INIP: variants seen among roughly 807,000 people sequenced by gnomAD.
INIP encodes the protein SOSS complex subunit C.
INIP carries 9 observed loss-of-function variants against 14.0 expected under a neutral mutation model. The ratio of observed to expected loss-of-function variants is 0.64; its 90% confidence interval spans 0.39 to 1.12. The LOEUF is 1.12. Ranked by LOEUF, INIP falls within the 50% of genes most tolerant of loss-of-function variation. INIP has a pLI of 0.01. For missense variants in INIP, 78 were observed against 122.7 expected (o/e 0.64, Z 1.72); for synonymous variants, 37 against 41.5 (o/e 0.89, Z 0.41).
intron 1 of INIP, among the ~76,000 whole-genome samples, 161 bp downstream of exon 1, chr9:112,717,826 C>T (rs999317650): frequency 6.6e-6 from 1 of 152,088 alleles, no homozygotes; most frequent in African/African-American, 2.4e-5. Flanking sequence ...CCGGCTGGGC[C>T]CGGGCTGTGA....
intron 3 of INIP, among the ~76,000 whole-genome samples, chr9:112,690,076 CTA>C (rs71926723): frequency 0.098 from 14,912 of 151,994 alleles, 882 homozygotes; most frequent in African/African-American, 0.16. Flanking sequence ...ATAAGAAAGT[CTA>C]TGTTATTTAC....
At position 112,707,656 on chromosome 9, in the gene INIP, T is replaced by G. The variant is rs570981007; in HGVS notation, c.25+8805A>C. On this transcript the variant is annotated intron_variant, in intron 2 of 4. Coordinates refer to ENST00000374242, the MANE Select transcript of INIP (RefSeq NM_021218.3). ...ACTTAAAGACTAACTGAAATTCTTC[T>G]TATTGTAAAAAAAATCTAAAGCTAA... Among the ~76,000 whole-genome samples the G allele has an allele frequency of 3.9e-5, 6 of 152,326 alleles. No homozygotes were observed. The South Asian group carries it at 1.2e-3, about 32-fold the overall frequency.
At chr9:112,693,218 T>G (rs1368928190) in intron 3 of INIP, among the ~76,000 whole-genome samples, 1 of 152,142 alleles carries the variant, frequency 6.6e-6, no homozygotes, top group Non-Finnish European at 1.5e-5. Flanking sequence ...TGAAAGCAAT[T>G]AAGAAGCAGC....
At chr9:112,709,171 T>C (rs1438750844) in intron 2 of INIP, among the ~76,000 whole-genome samples, 2 of 151,936 alleles carry the variant, frequency 1.3e-5, no homozygotes, top group Non-Finnish European at 2.9e-5. Flanking sequence ...CAACCTTTCT[T>C]CCCCACTTAT....
chr9:112,691,054 C>A (rs1480386511), intron 3 of INIP, among the ~76,000 whole-genome samples: 2 of 152,180 alleles, frequency 1.3e-5, no homozygotes, highest in Non-Finnish European at 2.9e-5. Context: ...ATTTCTGTTA[C>A]TTCCCGATTA....
chr9:112,712,340 T>C (rs1838672196), intron 2 of INIP, among the ~76,000 whole-genome samples: 1 of 152,200 alleles, frequency 6.6e-6, no homozygotes, highest in Non-Finnish European at 1.5e-5. Context: ...GAGTTGAGTA[T>C]GAGTTGAGTC....
At chr9:112,709,690 C>G (rs1293838769) in intron 2 of INIP, among the ~76,000 whole-genome samples, 1 of 152,186 alleles carries the variant, frequency 6.6e-6, no homozygotes, top group East Asian at 1.9e-4. Context: ...TGACAATTCT[C>G]TGTCAGTGAA....
chr9:112,687,979 A>C (rs900177663), intron 4 of INIP, among the ~76,000 whole-genome samples: 1 of 151,988 alleles, frequency 6.6e-6, no homozygotes, highest in African/African-American at 2.4e-5. Flanking sequence ...CCAGCTACTC[A>C]GGAGGCTGAG....
At chr9:112,699,962 T>C (rs1260134389) in intron 2 of INIP, among the ~76,000 whole-genome samples, 3 of 152,222 alleles carry the variant, frequency 2.0e-5, no homozygotes, top group Non-Finnish European at 4.4e-5. Flanking sequence ...GTTTAGTAAG[T>C]AGTCAGGTCC....
chr9:112,703,754 T>TA (rs1188872983), intron 2 of INIP, among the ~76,000 whole-genome samples: 4 of 152,220 alleles, frequency 2.6e-5, no homozygotes, highest in South Asian at 2.1e-4. Flanking sequence ...GAAGAATTTT[T>TA]AAAAAACGTC....
intron 2 of INIP, among the ~76,000 whole-genome samples, chr9:112,712,846 G>C (rs1838688075): frequency 6.6e-6 from 1 of 152,160 alleles, no homozygotes; most frequent in African/African-American, 2.4e-5. Context: ...CCCAAATTTA[G>C]TGAAAGACAT....
rs1038831511 is a variant in INIP at position 112,687,381 on chromosome 9, C to A, written c.*157G>T. 2.2e-5 allele frequency: 12 copies of A among 536,560 alleles called. No individual in the cohort carries two copies. In the African/African-American group the frequency reaches 2.3e-4, roughly 10 times the overall value. 33.2% of individuals were successfully genotyped at this position (536,560 alleles called of 1,614,324 possible). On this transcript the variant is annotated 3_prime_UTR_variant, in exon 5 of 5. Transcript: ENST00000374242. Reference sequence around the variant, plus strand: ...CACAGCTCTCATCATCCTGGTTATTCTTCTTTCAGCTTTCACTTACACATT... The same window carrying A: ...CACAGCTCTCATCATCCTGGTTATTATTCTTTCAGCTTTCACTTACACATT...
At chr9:112,689,051 G>A (rs1471987168) in intron 4 of INIP, among the ~76,000 whole-genome samples, 3 of 150,920 alleles carry the variant, frequency 2.0e-5, no homozygotes, top group South Asian at 4.2e-4. Flanking sequence ...TTTAACTGAC[G>A]AAGCACCACA....
intron 3 of INIP, among the ~76,000 whole-genome samples, chr9:112,691,128 AGCAGTTATAATAATTGAG>A (rs1187268684): frequency 3.3e-5 from 5 of 152,248 alleles, no homozygotes; most frequent in Non-Finnish European, 5.9e-5. Context: ...GGAACTCTGA[AGCAGTTATAATAATTGAG>A]GCAAGAAATG....
intron 2 of INIP, among the ~76,000 whole-genome samples, chr9:112,695,473 G>A (rs1838049305): frequency 6.6e-6 from 1 of 151,976 alleles, no homozygotes; most frequent in Non-Finnish European, 1.5e-5. Context: ...CTTGGGAGAG[G>A]AGCAGAGACT....
chr9:112,690,015 A>C (rs114401298), intron 3 of INIP, among the ~76,000 whole-genome samples: 1,702 of 152,196 alleles, frequency 0.011, 32 homozygotes, highest in African/African-American at 0.038. Flanking sequence ...GTAAAAAAAA[A>C]CCTCCAAGAA....
At chr9:112,707,474 A>ACTCCCACACGTTTCTTTTTTTTC (rs2131308457) in intron 2 of INIP, among the ~76,000 whole-genome samples, 1 of 150,354 alleles carries the variant, frequency 6.7e-6, no homozygotes, top group African/African-American at 2.5e-5. Context: ...AAACATTTTG[A>ACTCCCACACGTTTCTTTTTTTTC]CTCCCACACG....
At chr9:112,690,208 T>C (rs1195696961) in intron 3 of INIP, among the ~76,000 whole-genome samples, 2 of 152,128 alleles carry the variant, frequency 1.3e-5, no homozygotes, top group Non-Finnish European at 2.9e-5. Flanking sequence ...ATAACCCTCT[T>C]GGCCAGGCGT....
At chr9:112,689,681 G>T (rs1405750709) in intron 3 of INIP, 64 bp from the exon 4 acceptor site, 1 of 1,243,716 alleles carries the variant, frequency 8.0e-7, no homozygotes, top group East Asian at 2.3e-5. Context: ...TTTTTTGGAT[G>T]GTAGTAAATT....
Sources: gnomAD v4.1 joint callset for allele counts (sites outside exome capture counted in the v4.1 genomes callset) on GRCh38, gnomAD v4.1.1 for gene constraint, MANE v1.5 for transcripts, NCBI Gene and HGNC (gene_info 2026-07-23, HGNC 2026-07-21) for gene names.